PNOC: variants seen among roughly 807,000 people sequenced by gnomAD.
PNOC encodes the protein prepronociceptin.
A neutral mutation model predicts 15.6 loss-of-function variants in PNOC; 10 were observed. That is an observed-to-expected ratio of 0.64 (90% CI 0.40 to 1.09). The LOEUF (loss-of-function observed/expected upper bound fraction) is 1.09, where lower values mean the gene tolerates loss of function less well. Ranked by LOEUF, PNOC falls within the 50% of genes least tolerant of loss-of-function variation. The pLI is 0.01. For synonymous variants in PNOC, 98 were observed against 88.5 expected (o/e 1.11, Z -0.60); for missense variants, 220 against 223.9 (o/e 0.98, Z 0.11).
At chr8:28,319,973 C>G (rs1585823391) in intron 1 of PNOC, among the ~76,000 whole-genome samples, 2 of 151,876 alleles carry the variant, frequency 1.3e-5, no homozygotes, top group East Asian at 3.9e-4. Context: ...TGGAGCACAT[C>G]GATTTCAGGG....
chr8:28,321,022 C>T (rs941441065), intron 1 of PNOC, among the ~76,000 whole-genome samples: 1 of 151,734 alleles, frequency 6.6e-6, no homozygotes, highest in Non-Finnish European at 1.5e-5. Context: ...GCTATATTGC[C>T]CAGGCAGGTC....
At chr8:28,339,537 A>T (rs1474130666) in intron 3 of PNOC, 46 bp downstream of exon 3, 2 of 1,406,294 alleles carry the variant, frequency 1.4e-6, no homozygotes, top group African/African-American at 2.9e-5. Context: ...GACCTCACAC[A>T]CCAACTGTCT....
intron 1 of PNOC, among the ~76,000 whole-genome samples, chr8:28,319,303 C>T (rs1018650196): frequency 7.2e-5 from 11 of 151,914 alleles, no homozygotes; most frequent in African/African-American, 1.9e-4. Flanking sequence ...AGAGGAGAGA[C>T]GTAACACAAA....
At chr8:28,332,314 C>G (rs1223787149) in intron 2 of PNOC, among the ~76,000 whole-genome samples, 3 of 152,180 alleles carry the variant, frequency 2.0e-5, no homozygotes, top group African/African-American at 7.2e-5. Flanking sequence ...TGTGAATGAT[C>G]AGGGGACTCA....
intron 1 of PNOC, among the ~76,000 whole-genome samples, chr8:28,318,969 C>T (rs1276334004): frequency 6.6e-6 from 1 of 152,178 alleles, no homozygotes; most frequent in African/African-American, 2.4e-5. Context: ...CTAAGCTATC[C>T]TGTATTCAAT....
chr8:28,329,084 C>A, intron 1 of PNOC, 51 bp from the exon 2 acceptor site: 1 of 1,578,396 alleles, frequency 6.3e-7, no homozygotes, highest in Non-Finnish European at 8.6e-7. Context: ...TGGCCCTGAG[C>A]AGCCCTCCGA....
intron 3 of PNOC, chr8:28,340,230 G>C (rs351784): frequency 0.73 from 111,576 of 152,156 alleles, 43,011 homozygotes; most frequent in Non-Finnish European, 0.87. Context: ...TCCTCCATTT[G>C]GCTTCTTTCC....
chr8:28,325,666 G>GAA (rs1801213643), intron 1 of PNOC, among the ~76,000 whole-genome samples: 1 of 76,870 alleles, frequency 1.3e-5, no homozygotes, highest in Non-Finnish European at 3.3e-5. Context: ...AAAAAAAAAA[G>GAA]AAAAAGAAAA....
chr8:28,329,121 C>T lies in PNOC; in HGVS notation c.-23-14C>T, dbSNP rs757588559. 5.6e-6 allele frequency: 9 copies of T among 1,611,168 alleles called. No individual in the cohort carries two copies. The South Asian group carries it at 6.6e-5, about 12-fold the overall frequency. The stretch of plus-strand genomic sequence containing the variant: ...AATGGCTGTACTCATTGCCATGCTT[C>T]CTGTATGTTCCAGCACCTGCTTCCT... On this transcript the variant is annotated splice_polypyrimidine_tract_variant and intron_variant, in intron 1 of 3. Coordinates refer to ENST00000301908, the MANE Select transcript of PNOC (RefSeq NM_006228.5).
chr8:28,337,614 G>C (rs1476095780), intron 2 of PNOC, among the ~76,000 whole-genome samples: 9 of 121,076 alleles, frequency 7.4e-5, no homozygotes, highest in Non-Finnish European at 1.4e-4. Flanking sequence ...ACGGAGTCTC[G>C]TTCTGTCGCC....
At chr8:28,335,610 C>T (rs1801398417) in intron 2 of PNOC, among the ~76,000 whole-genome samples, 1 of 152,138 alleles carries the variant, frequency 6.6e-6, no homozygotes. Context: ...TCACCACAAC[C>T]TCCGCCTCCC....
chr8:28,340,370 C>A (rs994213207), intron 3 of PNOC, among the ~76,000 whole-genome samples: 6 of 152,196 alleles, frequency 3.9e-5, no homozygotes, highest in Non-Finnish European at 7.3e-5. Context: ...TCATAATATA[C>A]ATCAAATACC....
At chr8:28,341,918 CAT>C (rs1237348439) in intron 3 of PNOC, among the ~76,000 whole-genome samples, 1 of 152,188 alleles carries the variant, frequency 6.6e-6, no homozygotes, top group Non-Finnish European at 1.5e-5. Context: ...CTGCCCTACA[CAT>C]GATGGAGATG....
chr8:28,337,952 C>T (rs1009811490), intron 2 of PNOC, among the ~76,000 whole-genome samples: 3 of 152,110 alleles, frequency 2.0e-5, no homozygotes, highest in Admixed American at 6.6e-5. Context: ...GAAACATATA[C>T]GTTGCCTTTA....
Position 28,343,151 on chromosome 8 carries a change from C to T in PNOC, c.*257C>T, listed in dbSNP as rs575367926. 6 of 210,542 alleles carry T rather than the reference C, an allele frequency of 2.8e-5. No individual in the cohort carries two copies. Among genetic ancestry groups the T allele is most frequent in the Admixed American group, 6.5e-5 (1 of 15,354 alleles). The allele number at this position is 210,542 out of a possible 1,614,324, so 13.0% of individuals were successfully genotyped here. The stretch of plus-strand genomic sequence containing the variant: ...ACATCAGAGTGTATTTTTGTAATTC[C>T]TCTAGCTACCATTTCAATAGCCCCA... On this transcript the variant is annotated 3_prime_UTR_variant, in exon 4 of 4. Coordinates refer to ENST00000301908, the MANE Select transcript of PNOC (RefSeq NM_006228.5).
intron 1 of PNOC, among the ~76,000 whole-genome samples, chr8:28,327,297 A>C (rs1231824350): frequency 6.6e-6 from 1 of 152,236 alleles, no homozygotes; most frequent in East Asian, 1.9e-4. Context: ...AGTTTCAAGG[A>C]GAAACAGTGA....
chr8:28,334,049 AACACACAC>A lies in PNOC; in HGVS notation c.126+4799_126+4806del, dbSNP rs71678743. ...GCATCCCTGGCCTCTAGGTGCCAGT[AACACACAC>A]ACACACACACACACACACACACACA... On this transcript the variant is annotated intron_variant, in intron 2 of 3. Transcript: ENST00000301908. Among the ~76,000 whole-genome samples the A allele has an allele frequency of 8.4e-3, 1,228 of 146,974 alleles. 21 individuals are homozygous for A. The highest frequency in any genetic ancestry group is 0.028 in the African/African-American group (1,124 of 39,572).
intron 3 of PNOC, among the ~76,000 whole-genome samples, chr8:28,340,808 C>T (rs1172704767): frequency 6.6e-6 from 1 of 152,162 alleles, no homozygotes; most frequent in Non-Finnish European, 1.5e-5. Flanking sequence ...GGGGAGGTCC[C>T]AGCCTCTTTA....
At chr8:28,331,768 C>A (rs114768361) in intron 2 of PNOC, among the ~76,000 whole-genome samples, 1 of 152,184 alleles carries the variant, frequency 6.6e-6, no homozygotes, top group Non-Finnish European at 1.5e-5. Context: ...GGAGTGGGCC[C>A]TCCTTCCTCA....
Sources: allele counts gnomAD v4.1 joint callset (sites outside exome capture counted in the v4.1 genomes callset), GRCh38; gene constraint gnomAD v4.1.1; transcripts MANE v1.5; gene names NCBI Gene and HGNC (gene_info 2026-07-23, HGNC 2026-07-21).